PLEKHA6: variants seen among roughly 807,000 people sequenced by gnomAD.
PLEKHA6 encodes the protein pleckstrin homology domain containing A6, also known as pleckstrin homology domain-containing family A member 6.
In PLEKHA6, 60 loss-of-function variants were observed where a neutral mutation model predicts 116.7. The ratio of observed to expected loss-of-function variants is 0.51; its 90% CI spans 0.42 to 0.64. The LOEUF (loss-of-function observed/expected upper bound fraction) is 0.64, where lower values mean the gene tolerates loss of function less well. Ranked by LOEUF, PLEKHA6 falls within the 30% of genes least tolerant of loss-of-function variation. PLEKHA6 has a pLI of 0.00. For synonymous variants in PLEKHA6, 489 were observed against 556.1 expected, an observed-to-expected ratio of 0.88 and a Z score of 1.70; for missense variants, 1,338 against 1,422.7, an observed-to-expected ratio of 0.94 and a Z score of 0.96.
chr1:204,341,136 C>T (rs1672831955), intron 1 of PLEKHA6, among the ~76,000 whole-genome samples: 1 of 152,178 alleles, frequency 6.6e-6, no homozygotes, highest in Non-Finnish European at 1.5e-5. Context: ...GACAAGAAGC[C>T]CCAGAAGATG....
At chr1:204,338,824 C>T (rs1045751762) in intron 1 of PLEKHA6, among the ~76,000 whole-genome samples, 10 of 152,172 alleles carry the variant, frequency 6.6e-5, no homozygotes, top group African/African-American at 2.4e-4. Flanking sequence ...CATGGCCTCT[C>T]CTAAGGCAGA....
intron 6 of PLEKHA6, among the ~76,000 whole-genome samples, chr1:204,262,807 T>C (rs1402512984): frequency 6.6e-6 from 1 of 151,758 alleles, no homozygotes; most frequent in Non-Finnish European, 1.5e-5. Context: ...AGCATGTAGG[T>C]GTGGGAGAGG....
chr1:204,268,016 C>T (rs1381741420), intron 4 of PLEKHA6, among the ~76,000 whole-genome samples, 192 bp downstream of exon 4: 1 of 152,122 alleles, frequency 6.6e-6, no homozygotes, highest in African/African-American at 2.4e-5. Context: ...CCAAGTTTGA[C>T]ACAAATTTTT....
Position 204,257,796 on chromosome 1 carries a change from C to T in PLEKHA6, c.1081G>A (p.Asp361Asn). 6.2e-7 allele frequency: 1 copy of T among 1,614,058 alleles called. No homozygotes were observed. The highest frequency in any genetic ancestry group is 2.2e-5 in the East Asian group (1 of 44,884). Reference protein sequence around the residue: ...YGPYSSQYPDDYQYYPPGVRP... With the variant: ...YGPYSSQYPDNYQYYPPGVRP... ...ACTCCTGGCGGGTAGTACTGATAATCATCGGGGTACTGGGAGGAGTAGGGG... is the reference window on the plus strand; with the variant it reads ...ACTCCTGGCGGGTAGTACTGATAATTATCGGGGTACTGGGAGGAGTAGGGG... The change falls in exon 9 of 23, where the codon GAT becomes AAT. Residue 361 changes from aspartate (D) to asparagine (N), a missense_variant. Transcript: ENST00000272203. This position sits in a 1 kb window ranked among gnomAD's most constrained non-coding sequence, Gnocchi z 6.5.
At chr1:204,271,272 C>G (rs1329968056) in intron 3 of PLEKHA6, among the ~76,000 whole-genome samples, 1 of 152,198 alleles carries the variant, frequency 6.6e-6, no homozygotes, top group African/African-American at 2.4e-5. Context: ...CTTTCTATCT[C>G]TTCCATTGCA....
At chr1:204,260,348 C>T (rs949526771) in intron 7 of PLEKHA6, among the ~76,000 whole-genome samples, 3 of 152,170 alleles carry the variant, frequency 2.0e-5, no homozygotes, top group Admixed American at 6.5e-5. Flanking sequence ...CACATAAACA[C>T]GCTAGTTCCC....
At chr1:204,305,308 TG>T (rs1671192210) in intron 1 of PLEKHA6, among the ~76,000 whole-genome samples, 1 of 152,104 alleles carries the variant, frequency 6.6e-6, no homozygotes, top group South Asian at 2.1e-4. Flanking sequence ...TGCTGGGCAG[TG>T]GGGTAGAGGG....
At chr1:204,375,611 C>T (rs1673854647) in intron 1 of PLEKHA6, among the ~76,000 whole-genome samples, 1 of 152,088 alleles carries the variant, frequency 6.6e-6, no homozygotes, top group African/African-American at 2.4e-5. Flanking sequence ...TCCTGCCTCT[C>T]GCTCAGCCTC....
At chr1:204,250,511 G>T in intron 10 of PLEKHA6, 35 bp downstream of exon 10, 2 of 1,478,616 alleles carry the variant, frequency 1.4e-6, no homozygotes, top group South Asian at 1.1e-5. Flanking sequence ...CAGGAGGCTG[G>T]AGTGGAGGGA....
chr1:204,223,534 G>A lies in PLEKHA6; in HGVS notation c.3083C>T (p.Pro1028Leu). 6.4e-7 allele frequency: 1 copy of A among 1,550,644 alleles called. No individual in the cohort carries two copies. Among genetic ancestry groups the A allele is most frequent in the Non-Finnish European group, 8.7e-7 (1 of 1,146,346 alleles). ...PPTSPASPAP[P>L]ANPLSSESPR... ...GGATTCAGACGACAGGGGGTTTGCT[G>A]GAGGAGCCGGGGAAGCAGGGGAGGT... is the stretch of plus-strand genomic sequence containing the variant. The change falls in exon 22 of 23, where the codon CCA becomes CTA. Residue 1028 changes from proline to leucine, a missense_variant. Physicochemically the swap from Pro to Leu is moderately conservative, Grantham distance 98 (BLOSUM62 -3). Coordinates refer to ENST00000272203, the MANE Select transcript of PLEKHA6 (RefSeq NM_014935.5). This position sits in a 1 kb window ranked among gnomAD's most constrained non-coding sequence, Gnocchi z 4.8.
intron 6 of PLEKHA6, among the ~76,000 whole-genome samples, chr1:204,262,869 C>G (rs551953113): frequency 2.0e-5 from 3 of 152,046 alleles, no homozygotes; most frequent in African/African-American, 7.2e-5. Context: ...CTGAGACTTG[C>G]GACGGATAGG....
At chr1:204,336,640 T>C (rs1167218273) in intron 1 of PLEKHA6, among the ~76,000 whole-genome samples, 1 of 152,188 alleles carries the variant, frequency 6.6e-6, no homozygotes, top group Non-Finnish European at 1.5e-5. Flanking sequence ...CTAGGCCAAC[T>C]TGCATACTGC....
rs971558256 is a variant in PLEKHA6 at position 204,309,127 on chromosome 1, A to G, written c.-94-34318T>C. ...TACAGTGCTCAGCATGTAGTGCTTC[A>G]TTTCTGTTAAGGGAAATATTTGACG... is the stretch of plus-strand genomic sequence containing the variant. On this transcript the variant is annotated intron_variant, in intron 1 of 22. Transcript: ENST00000272203. The G allele has an allele frequency of 6.0e-6, 5 of 835,096 alleles. No homozygotes were observed. The African/African-American group carries it at 9.1e-5, about 15-fold the overall frequency. The allele number at this position is 835,096 out of a possible 1,614,324, so 51.7% of individuals were successfully genotyped here.
chr1:204,269,022 T>A (rs1381147435), intron 3 of PLEKHA6, among the ~76,000 whole-genome samples: 1 of 152,124 alleles, frequency 6.6e-6, no homozygotes, highest in Non-Finnish European at 1.5e-5. Flanking sequence ...ACAGCCTTGA[T>A]GTCCCCGGCT....
At chr1:204,296,546 C>G (rs369718304) in intron 1 of PLEKHA6, among the ~76,000 whole-genome samples, 3 of 152,232 alleles carry the variant, frequency 2.0e-5, no homozygotes, top group Non-Finnish European at 4.4e-5. Flanking sequence ...GGCATTGCAG[C>G]GGCCCTCTAA....
At chr1:204,279,853 T>C (rs1668416360) in intron 1 of PLEKHA6, among the ~76,000 whole-genome samples, 1 of 152,202 alleles carries the variant, frequency 6.6e-6, no homozygotes, top group Non-Finnish European at 1.5e-5. Flanking sequence ...CATGAAATAA[T>C]AGTGCTCACT....
At chr1:204,314,706 A>C (rs1671788748) in intron 1 of PLEKHA6, among the ~76,000 whole-genome samples, 1 of 152,202 alleles carries the variant, frequency 6.6e-6, no homozygotes, top group African/African-American at 2.4e-5. Context: ...TCTTTCTTCT[A>C]GGCCCTTATC....
At chr1:204,376,777 T>A (rs1057418724) in intron 1 of PLEKHA6, among the ~76,000 whole-genome samples, 1 of 152,238 alleles carries the variant, frequency 6.6e-6, no homozygotes, top group African/African-American at 2.4e-5. Context: ...TTTAAGTGGC[T>A]ATCTTGAGGA....
At chr1:204,347,561 T>C (rs2103346121) in intron 1 of PLEKHA6, among the ~76,000 whole-genome samples, 1 of 151,444 alleles carries the variant, frequency 6.6e-6, no homozygotes, top group Middle Eastern at 3.4e-3. Context: ...AAGACAGGCA[T>C]AGGAAATCAC....
Sources: allele counts gnomAD v4.1 joint callset (sites outside exome capture counted in the v4.1 genomes callset), GRCh38; gene constraint gnomAD v4.1.1; non-coding constraint Gnocchi (gnomAD v3.1); transcripts MANE v1.5; gene names NCBI Gene and HGNC (gene_info 2026-07-23, HGNC 2026-07-21).